CEP128: variants seen among roughly 807,000 people sequenced by gnomAD.
CEP128 encodes centrosomal protein 128kDa.
Under a neutral mutation model 156.7 loss-of-function variants are expected in CEP128, and 132 were observed. The observed-to-expected ratio is 0.84, with a 90% CI of 0.73 to 0.97. The LOEUF (loss-of-function observed/expected upper bound fraction) is 0.97. Ranked by LOEUF, CEP128 falls within the 50% of genes least tolerant of loss-of-function variation. The pLI, the probability that CEP128 is intolerant of heterozygous loss-of-function variation, is 0.00. For synonymous variants in CEP128, 469 were observed against 448.9 expected (o/e 1.04, Z -0.57); for missense variants, 1,252 against 1,281.9 (o/e 0.98, Z 0.36).
intron 8 of CEP128, among the ~76,000 whole-genome samples, chr14:80,868,072 G>C (rs184373756): frequency 8.1e-5 from 12 of 147,452 alleles, no homozygotes; most frequent in South Asian, 2.1e-4. Context: ...GGCAGGGGGT[G>C]GGGGGAGACA....
At chr14:80,842,103 T>A (rs573717882) in intron 9 of CEP128, among the ~76,000 whole-genome samples, 1 of 152,176 alleles carries the variant, frequency 6.6e-6, no homozygotes, top group African/African-American at 2.4e-5. Context: ...ATAAGTTGTT[T>A]ATAATATTGA....
intron 23 of CEP128, among the ~76,000 whole-genome samples, chr14:80,524,945 A>G (rs1888912256): frequency 6.6e-6 from 1 of 152,146 alleles, no homozygotes; most frequent in Non-Finnish European, 1.5e-5. Context: ...TGCAAATGCA[A>G]TTTTAAACAG....
At chr14:80,673,870 C>A (rs572153490) in intron 19 of CEP128, among the ~76,000 whole-genome samples, 1 of 151,492 alleles carries the variant, frequency 6.6e-6, no homozygotes, top group Non-Finnish European at 1.5e-5. Context: ...TTCAAGAATA[C>A]GCTATCTTCA....
At chr14:80,828,451 C>T (rs1169796408) in intron 13 of CEP128, among the ~76,000 whole-genome samples, 1 of 151,936 alleles carries the variant, frequency 6.6e-6, no homozygotes, top group East Asian at 1.9e-4. Context: ...CAAAACATAC[C>T]CAGATTACTT....
intron 14 of CEP128, among the ~76,000 whole-genome samples, chr14:80,789,593 A>C (rs541431984): frequency 2.6e-5 from 4 of 152,258 alleles, no homozygotes; most frequent in African/African-American, 9.6e-5. Flanking sequence ...TAGGGGCATA[A>C]ATGAAAAATA....
At chr14:80,714,120 T>C (rs545921462) in intron 19 of CEP128, among the ~76,000 whole-genome samples, 5 of 152,214 alleles carry the variant, frequency 3.3e-5, no homozygotes, top group Admixed American at 6.5e-5. Context: ...TTTTCCACTA[T>C]AGCAGAAGTG....
At chr14:80,756,363 C>CT (rs1475544297) in intron 18 of CEP128, among the ~76,000 whole-genome samples, 1 of 152,144 alleles carries the variant, frequency 6.6e-6, no homozygotes, top group Non-Finnish European at 1.5e-5. Flanking sequence ...CAAAGGTAAA[C>CT]TTTATCTTTC....
rs1055830619 is a variant in CEP128, at chr14:80,914,490, A to C, written c.148-82T>G. On this transcript the variant is annotated intron_variant, in intron 3 of 24. Coordinates refer to ENST00000555265, the MANE Select transcript of CEP128 (RefSeq NM_152446.5). ...ATCTTAGTAGTATGTCAATCAACTA[A>C]GTCAACAGTTTGTAAAATGTACAAC... 67 of 987,988 alleles carry C rather than the reference A, an allele frequency of 6.8e-5. No homozygotes were observed. In the African/African-American group the frequency reaches 9.8e-4, roughly 14 times the overall value. 61.2% of individuals were successfully genotyped at this position (987,988 alleles called of 1,614,324 possible).
At chr14:80,897,109 C>T (rs1169884591) in intron 7 of CEP128, among the ~76,000 whole-genome samples, 2 of 152,174 alleles carry the variant, frequency 1.3e-5, no homozygotes, top group Non-Finnish European at 2.9e-5. Context: ...AAATACATTG[C>T]TGTATATCCA....
chr14:80,527,308 T>C, intron 22 of CEP128: 1 of 422,904 alleles, frequency 2.4e-6, no homozygotes, highest in South Asian at 1.8e-5. Flanking sequence ...TGCATGGCTG[T>C]AGTCCCAGCT....
At chr14:80,804,188 TAA>T (rs2139905384) in intron 13 of CEP128, among the ~76,000 whole-genome samples, 1 of 152,236 alleles carries the variant, frequency 6.6e-6, no homozygotes, top group South Asian at 2.1e-4. Context: ...CATTTTAATA[TAA>T]GTGTTTTGTT....
intron 13 of CEP128, among the ~76,000 whole-genome samples, chr14:80,813,770 T>G (rs1379164121): frequency 6.6e-6 from 1 of 152,170 alleles, no homozygotes; most frequent in East Asian, 1.9e-4. Context: ...ATAAGAGCAT[T>G]ACTGTTTTCT....
At chr14:80,902,450 T>C (rs964505247) in intron 6 of CEP128, among the ~76,000 whole-genome samples, 2 of 152,190 alleles carry the variant, frequency 1.3e-5, no homozygotes, top group African/African-American at 4.8e-5. Context: ...TTTGATTGTG[T>C]TGTCTCGTTA....
intron 19 of CEP128, among the ~76,000 whole-genome samples, chr14:80,632,578 A>G (rs911961965): frequency 1.3e-5 from 2 of 149,860 alleles, no homozygotes; most frequent in Admixed American, 6.7e-5. Context: ...TATTATCTAT[A>G]TAATATAACA....
intron 2 of CEP128, chr14:80,955,846 A>G: frequency 6.2e-7 from 1 of 1,614,126 alleles, no homozygotes; most frequent in Non-Finnish European, 8.5e-7. Context: ...CAGTACGCAG[A>G]CTCTGTGAGT....
intron 2 of CEP128, among the ~76,000 whole-genome samples, chr14:80,932,522 C>A (rs901565255): frequency 6.6e-6 from 1 of 152,140 alleles, no homozygotes; most frequent in African/African-American, 2.4e-5. Context: ...CCATTTCCAA[C>A]ATCTTATCTT....
intron 19 of CEP128, among the ~76,000 whole-genome samples, chr14:80,722,577 G>A (rs542197549): frequency 6.6e-6 from 1 of 151,166 alleles, no homozygotes. Context: ...ATATTTTGCC[G>A]TTTTCAAGCT....
intron 23 of CEP128, among the ~76,000 whole-genome samples, chr14:80,506,697 TTC>T (rs1468988262): frequency 1.3e-5 from 2 of 152,174 alleles, no homozygotes; most frequent in East Asian, 3.9e-4. Flanking sequence ...TATATTTTAT[TTC>T]TGTGTCACAT....
chr14:80,654,980 A>C (rs1413645509), intron 19 of CEP128, among the ~76,000 whole-genome samples: 1 of 152,128 alleles, frequency 6.6e-6, no homozygotes, highest in Non-Finnish European at 1.5e-5. Flanking sequence ...ATTTTCTCCA[A>C]GTATCATAAC....
Sources: allele counts gnomAD v4.1 joint callset (sites outside exome capture counted in the v4.1 genomes callset), GRCh38; gene constraint gnomAD v4.1.1; transcripts MANE v1.5; gene names NCBI Gene and HGNC (gene_info 2026-07-23, HGNC 2026-07-21).